The following ADAM2 variants were observed in gnomAD, a reference collection of about 807,000 sequenced individuals.
The protein encoded by ADAM2 is ADAM metallopeptidase domain 2.
In ADAM2, 101 loss-of-function variants were observed where a neutral mutation model predicts 99.3. That is an observed-to-expected ratio of 1.02 (90% CI 0.87 to 1.20). The LOEUF is 1.20. Ranked by LOEUF, ADAM2 falls within the 50% of genes most tolerant of loss-of-function variation. The pLI is 0.00. For synonymous variants in ADAM2, 323 were observed against 287.6 expected (o/e 1.12, Z -1.25); for missense variants, 948 against 878.7 (o/e 1.08, Z -1.00).
At position 39,792,619 on chromosome 8, in the gene ADAM2, T is replaced by A. The variant is rs1803768238; in HGVS notation, c.571-3879A>T. The stretch of plus-strand genomic sequence containing the variant: ...ATGTGCTTCTTTAACCACCTTTATA[T>A]CTTGGTCAAGATCCTGAGCTCAGAG... On this transcript the variant is annotated intron_variant, in intron 7 of 20. Transcript: ENST00000265708. 5.3e-5 allele frequency among the ~76,000 whole-genome samples: 8 copies of A among 152,046 alleles called. No homozygotes were observed. In the South Asian group the frequency reaches 1.7e-3, roughly 31 times the overall value.
intron 7 of ADAM2, among the ~76,000 whole-genome samples, chr8:39,793,742 G>T (rs533353302): frequency 6.6e-6 from 1 of 152,232 alleles, no homozygotes; most frequent in East Asian, 1.9e-4. Flanking sequence ...GCTACAATTT[G>T]ATTGAGAGAA....
intron 2 of ADAM2, among the ~76,000 whole-genome samples, chr8:39,836,125 C>T (rs1312346125): frequency 2.0e-5 from 3 of 152,072 alleles, no homozygotes; most frequent in Non-Finnish European, 4.4e-5. Context: ...TTGTATCTGA[C>T]ACTGTTCTAG....
chr8:39,781,886 G>A (rs1803246931), intron 10 of ADAM2, among the ~76,000 whole-genome samples: 1 of 152,160 alleles, frequency 6.6e-6, no homozygotes, highest in Non-Finnish European at 1.5e-5. Context: ...AACACCAATG[G>A]TCATAAAAGA....
At chr8:39,813,604 G>A (rs1338226396) in intron 6 of ADAM2, among the ~76,000 whole-genome samples, 1 of 152,198 alleles carries the variant, frequency 6.6e-6, no homozygotes, top group African/African-American at 2.4e-5. Context: ...AAAAGGATGA[G>A]TTCATGTCCT....
intron 7 of ADAM2, among the ~76,000 whole-genome samples, chr8:39,796,113 G>A (rs1489637254): frequency 6.6e-6 from 1 of 151,082 alleles, no homozygotes; most frequent in African/African-American, 2.4e-5. Flanking sequence ...TGCAGAATGT[G>A]CAGGTTTATT....
chr8:39,767,265 C>T lies in ADAM2; in HGVS notation c.1213-14G>A. ...AAGGGCACAATCCTGTAAGGCAAATCAAATGCTCTGAAGTATTTTCCAACT... is the reference window on the plus strand; with the variant it reads ...AAGGGCACAATCCTGTAAGGCAAATTAAATGCTCTGAAGTATTTTCCAACT... On this transcript the variant is annotated splice_polypyrimidine_tract_variant and intron_variant, in intron 12 of 20. Transcript: ENST00000265708. The T allele has an allele frequency of 6.3e-7, 1 of 1,585,258 alleles. No individual in the cohort carries two copies. Among genetic ancestry groups the T allele is most frequent in the Non-Finnish European group, 8.6e-7 (1 of 1,162,302 alleles).
chr8:39,756,746 C>A (rs113906191), intron 15 of ADAM2, among the ~76,000 whole-genome samples: 4 of 152,276 alleles, frequency 2.6e-5, no homozygotes, highest in African/African-American at 9.6e-5. Flanking sequence ...CAGGAGTCAT[C>A]GAGGAAGGAC....
chr8:39,828,794 T>G (rs2129588969), intron 3 of ADAM2, among the ~76,000 whole-genome samples: 1 of 151,974 alleles, frequency 6.6e-6, no homozygotes, highest in Middle Eastern at 3.4e-3. Context: ...TACAGTGCAG[T>G]GAAGAAATAT....
At chr8:39,833,654 T>C (rs1805704216) in intron 3 of ADAM2, among the ~76,000 whole-genome samples, 1 of 152,130 alleles carries the variant, frequency 6.6e-6, no homozygotes, top group African/African-American at 2.4e-5. Flanking sequence ...AAATAAGCCA[T>C]ATATATTTTT....
At chr8:39,777,258 G>C (rs970248937) in intron 10 of ADAM2, 97 bp from the exon 11 acceptor site, 1 of 936,094 alleles carries the variant, frequency 1.1e-6, no homozygotes, top group East Asian at 2.6e-5. Context: ...AATGGAATAG[G>C]GGCATCTGTT....
At chr8:39,809,666 A>G (rs1804611210) in intron 6 of ADAM2, among the ~76,000 whole-genome samples, 200 bp from the exon 7 acceptor site, 1 of 152,106 alleles carries the variant, frequency 6.6e-6, no homozygotes, top group African/African-American at 2.4e-5. Flanking sequence ...CAATTATTTA[A>G]TTTACTTGGG....
intron 7 of ADAM2, among the ~76,000 whole-genome samples, chr8:39,795,293 A>T (rs1383803242): frequency 1.3e-5 from 2 of 152,104 alleles, no homozygotes; most frequent in Admixed American, 6.5e-5. Context: ...TCAGGCCATG[A>T]TGGGAAGAGG....
intron 11 of ADAM2, among the ~76,000 whole-genome samples, chr8:39,772,844 T>A (rs1802836490): frequency 6.6e-6 from 1 of 151,896 alleles, no homozygotes; most frequent in African/African-American, 2.4e-5. Context: ...TTTTGTATTT[T>A]AAAAAAAGTA....
intron 15 of ADAM2, among the ~76,000 whole-genome samples, chr8:39,759,174 C>T (rs1802260341): frequency 1.3e-5 from 2 of 151,764 alleles, no homozygotes; most frequent in South Asian, 2.1e-4. Flanking sequence ...AACATTTAAC[C>T]TAAAATGTCC....
chr8:39,830,738 G>A (rs994562761), intron 3 of ADAM2, among the ~76,000 whole-genome samples: 1 of 151,946 alleles, frequency 6.6e-6, no homozygotes, highest in Non-Finnish European at 1.5e-5. Context: ...GAAAGGAATA[G>A]AGCTAGAAAT....
At chr8:39,750,285 T>C (rs999007000) in intron 16 of ADAM2, among the ~76,000 whole-genome samples, 1 of 152,106 alleles carries the variant, frequency 6.6e-6, no homozygotes, top group African/African-American at 2.4e-5. Context: ...TAAATAAATA[T>C]TTGAGTCCTA....
intron 3 of ADAM2, among the ~76,000 whole-genome samples, chr8:39,830,897 G>C (rs982790112): frequency 5.9e-5 from 9 of 152,122 alleles, no homozygotes; most frequent in Admixed American, 3.3e-4. Flanking sequence ...AGATGATCAG[G>C]CCACAAGGCT....
intron 1 of ADAM2, 101 bp downstream of exon 1, chr8:39,838,030 C>G: frequency 7.4e-7 from 1 of 1,352,220 alleles, no homozygotes; most frequent in South Asian, 1.2e-5. Flanking sequence ...TTGGAAACCC[C>G]TCAGGAAAGC....
chr8:39,799,975 A>T (rs960060999), intron 7 of ADAM2, among the ~76,000 whole-genome samples: 13 of 152,166 alleles, frequency 8.5e-5, no homozygotes, highest in African/African-American at 2.7e-4. Flanking sequence ...CTGACTCCTT[A>T]TCCAATTTGC....
Sources: allele counts gnomAD v4.1 joint callset (sites outside exome capture counted in the v4.1 genomes callset), GRCh38; gene constraint gnomAD v4.1.1; transcripts MANE v1.5; gene names NCBI Gene and HGNC (gene_info 2026-07-23, HGNC 2026-07-21).